CGGBP1: variants seen among roughly 807,000 people sequenced by gnomAD.
CGGBP1 encodes the protein CGG triplet repeat-binding protein 1.
A neutral mutation model predicts 11.4 loss-of-function variants in CGGBP1; 4 were observed. That is an observed-to-expected ratio of 0.35 (90% CI 0.17 to 0.80). CGGBP1 has a LOEUF of 0.80. Ranked by LOEUF, CGGBP1 falls within the 30% of genes least tolerant of loss-of-function variation. The pLI is 0.52. For synonymous variants in CGGBP1, 76 were observed against 74.1 expected (o/e 1.03, Z -0.13); for missense variants, 135 against 202.1 (o/e 0.67, Z 2.01).
At chr3:88,138,854 ACT>A in intron 2 of CGGBP1, 1 of 1,231,980 alleles carries the variant, frequency 8.1e-7, no homozygotes, top group Non-Finnish European at 1.0e-6. Flanking sequence ...GGATTTGTGC[ACT>A]CTCAATATTT....
chr3:88,059,636 A>G, upstream of CGGBP1: 1 of 1,235,956 alleles, frequency 8.1e-7, no homozygotes, highest in Non-Finnish European at 1.0e-6. Context: ...GTGAGGCTGA[A>G]GCTCCCTCCT....
At chr3:88,135,658 G>A (rs1706733439) in intron 2 of CGGBP1, among the ~76,000 whole-genome samples, 1 of 152,048 alleles carries the variant, frequency 6.6e-6, no homozygotes. Context: ...TTGTTTATTT[G>A]AAGTAATTGT....
intron 2 of CGGBP1, among the ~76,000 whole-genome samples, chr3:88,122,694 T>G (rs1428908294): frequency 6.6e-6 from 1 of 152,068 alleles, no homozygotes; most frequent in African/African-American, 2.4e-5. Context: ...AATTTATTAT[T>G]TAAGTAAATA....
At chr3:88,131,188 A>G (rs1431028996) in intron 2 of CGGBP1, among the ~76,000 whole-genome samples, 1 of 152,198 alleles carries the variant, frequency 6.6e-6, no homozygotes. Context: ...TTATAACACA[A>G]TGGTAAGTAT....
intron 2 of CGGBP1, among the ~76,000 whole-genome samples, chr3:88,108,507 T>A (rs938392970): frequency 6.6e-6 from 1 of 152,188 alleles, no homozygotes; most frequent in African/African-American, 2.4e-5. Context: ...AAATGTTAAA[T>A]AGAATATTCC....
At chr3:88,097,675 AACTC>A (rs370239200) in intron 2 of CGGBP1, among the ~76,000 whole-genome samples, 4,803 of 152,272 alleles carry the variant, frequency 0.032, 273 homozygotes, top group African/African-American at 0.11. Flanking sequence ...AGGATTAAGA[AACTC>A]ACTCAAAACC....
chr3:88,117,371 A>G (rs1705474298), intron 2 of CGGBP1, among the ~76,000 whole-genome samples: 1 of 152,208 alleles, frequency 6.6e-6, no homozygotes, highest in African/African-American at 2.4e-5. Flanking sequence ...AATTCTCTAT[A>G]GTAACAAATG....
intron 2 of CGGBP1, chr3:88,129,822 A>C: frequency 6.8e-7 from 1 of 1,463,552 alleles, no homozygotes; most frequent in Non-Finnish European, 9.1e-7. Flanking sequence ...TATGTACTGT[A>C]TCTGGTAAGT....
At chr3:88,125,288 A>G (rs1315788405) in intron 2 of CGGBP1, among the ~76,000 whole-genome samples, 1 of 152,100 alleles carries the variant, frequency 6.6e-6, no homozygotes, top group African/African-American at 2.4e-5. Flanking sequence ...AGCATAATCA[A>G]ACTATACAGA....
intron 2 of CGGBP1, among the ~76,000 whole-genome samples, chr3:88,071,415 C>T (rs572348350): frequency 7.2e-5 from 11 of 152,124 alleles, no homozygotes; most frequent in Non-Finnish European, 1.3e-4. Context: ...GAGGCTGAGG[C>T]GGGCGGATCA....
At chr3:88,114,862 C>G (rs1397931574) in intron 2 of CGGBP1, among the ~76,000 whole-genome samples, 1 of 152,196 alleles carries the variant, frequency 6.6e-6, no homozygotes, top group African/African-American at 2.4e-5. Flanking sequence ...TATGAATTCT[C>G]CAGGCTTTTG....
chr3:88,118,395 A>G (rs1705544987), intron 2 of CGGBP1, among the ~76,000 whole-genome samples: 1 of 152,150 alleles, frequency 6.6e-6, no homozygotes, highest in African/African-American at 2.4e-5. Context: ...ATCAAAGGTA[A>G]AAGAGCCAGC....
At chr3:88,098,489 G>A (rs1704200301) in intron 2 of CGGBP1, among the ~76,000 whole-genome samples, 1 of 152,142 alleles carries the variant, frequency 6.6e-6, no homozygotes, top group African/African-American at 2.4e-5. Context: ...TATGAGGCCA[G>A]CATCATCCTG....
At chr3:88,105,752 T>C (rs1388238321) in intron 2 of CGGBP1, among the ~76,000 whole-genome samples, 2 of 152,222 alleles carry the variant, frequency 1.3e-5, no homozygotes, top group East Asian at 3.8e-4. Flanking sequence ...TTTTAATTTG[T>C]ATTTTTCTTC....
At chr3:88,094,404 T>G (rs1254552139) in intron 2 of CGGBP1, among the ~76,000 whole-genome samples, 1 of 152,156 alleles carries the variant, frequency 6.6e-6, no homozygotes, top group East Asian at 1.9e-4. Context: ...AGCAAAGAGA[T>G]AGATTACTAA....
intron 3 of CGGBP1, 44 bp from the exon 4 acceptor site, chr3:88,056,043 T>C (rs1706534337): frequency 7.0e-7 from 1 of 1,418,450 alleles, no homozygotes; most frequent in Admixed American, 2.2e-5. Context: ...TAACAACAGT[T>C]CATTCTGGAA....
chr3:88,105,905 C>A (rs1464978806), intron 2 of CGGBP1, among the ~76,000 whole-genome samples: 1 of 152,186 alleles, frequency 6.6e-6, no homozygotes, highest in Non-Finnish European at 1.5e-5. Flanking sequence ...AGGGCCTGCC[C>A]TCACAGGTGG....
intron 2 of CGGBP1, chr3:88,129,559 G>T: frequency 1.4e-6 from 1 of 710,166 alleles, no homozygotes. Context: ...TTCTGTACAA[G>T]TCATCATTGT....
chr3:88,060,574 C>G (rs1044464059), upstream of CGGBP1, among the ~76,000 whole-genome samples: 1 of 152,144 alleles, frequency 6.6e-6, no homozygotes, highest in Non-Finnish European at 1.5e-5. Context: ...TCCACCATCT[C>G]CTGGCAGAAA....
Sources: allele counts gnomAD v4.1 joint callset (sites outside exome capture counted in the v4.1 genomes callset), GRCh38; gene constraint gnomAD v4.1.1; transcripts MANE v1.5; gene names NCBI Gene and HGNC (gene_info 2026-07-23, HGNC 2026-07-21).